The following ADGRL2 variants were observed in gnomAD, a reference collection of about 807,000 sequenced individuals.
The protein encoded by ADGRL2 is calcium-independent alpha-latrotoxin receptor 2.
ADGRL2 carries 44 observed loss-of-function variants against 157.4 expected under a neutral mutation model. That is an observed-to-expected ratio of 0.28 (90% CI 0.22 to 0.36). The LOEUF is 0.36. Ranked by LOEUF, ADGRL2 falls within the 10% of genes least tolerant of loss-of-function variation. The pLI is 1.00. For synonymous variants in ADGRL2, 585 were observed against 624.7 expected (o/e 0.94, Z 0.95); for missense variants, 1,510 against 1,768.9 (o/e 0.85, Z 2.63).
At chr1:81,741,384 G>A (rs2085069312) in intron 1 of ADGRL2, among the ~76,000 whole-genome samples, 1 of 151,672 alleles carries the variant, frequency 6.6e-6, no homozygotes, top group Non-Finnish European at 1.5e-5. Context: ...CATAGTTCAC[G>A]CAGATCTAGT....
intron 3 of ADGRL2, among the ~76,000 whole-genome samples, chr1:81,656,984 T>C (rs1458941890): frequency 7.5e-6 from 1 of 133,248 alleles, no homozygotes; most frequent in Non-Finnish European, 1.5e-5. Context: ...CATGCCAGCC[T>C]AGGTGATGGA....
At chr1:81,807,848 T>C (rs1047163142) in intron 1 of ADGRL2, among the ~76,000 whole-genome samples, 9 of 151,836 alleles carry the variant, frequency 5.9e-5, no homozygotes, top group Admixed American at 2.6e-4. Flanking sequence ...TCAAAAATAT[T>C]TAACATTTTT....
At chr1:81,802,726 G>A (rs541803523) in intron 1 of ADGRL2, among the ~76,000 whole-genome samples, 1 of 152,156 alleles carries the variant, frequency 6.6e-6, no homozygotes, top group Admixed American at 6.5e-5. Context: ...TTTGCCCTCC[G>A]GTCCCGCACT....
intron 1 of ADGRL2, among the ~76,000 whole-genome samples, chr1:81,804,267 A>G (rs2088777078): frequency 6.6e-6 from 1 of 152,202 alleles, no homozygotes; most frequent in African/African-American, 2.4e-5. Context: ...TAGAAAGAAT[A>G]CTACAGAACA....
At chr1:81,664,008 A>G (rs1450846283) in intron 3 of ADGRL2, among the ~76,000 whole-genome samples, 1 of 152,134 alleles carries the variant, frequency 6.6e-6, no homozygotes, top group Non-Finnish European at 1.5e-5. Context: ...GGTATACTGT[A>G]TATTCTGCTG....
intron 2 of ADGRL2, among the ~76,000 whole-genome samples, chr1:81,542,608 A>T (rs140623703): frequency 1.4e-3 from 220 of 152,346 alleles, no homozygotes; most frequent in African/African-American, 5.1e-3. Flanking sequence ...TTTTCAGAAT[A>T]GTAAGGTCAA....
In ADGRL2 at chr1:81,943,958, G is replaced by C. The variant is rs1648917372; in HGVS notation, c.1210+189G>C. 6.6e-6 allele frequency among the ~76,000 whole-genome samples: 1 copy of C among 151,776 alleles called. No individual in the cohort carries two copies. Among genetic ancestry groups the C allele is most frequent in the South Asian group, 2.1e-4 (1 of 4,818 alleles). ...TCTCAATTTCTTCATTTTAATGTTG[G>C]CTTCAAGAAATTGTGGCATTATTAG... On this transcript the variant is annotated intron_variant, in intron 6 of 23. Transcript: ENST00000686636. This position sits in a 1 kb window ranked among gnomAD's most constrained non-coding sequence, Gnocchi z 5.6.
chr1:81,850,488 C>G (rs1571662886), intron 2 of ADGRL2, among the ~76,000 whole-genome samples: 1 of 151,930 alleles, frequency 6.6e-6, no homozygotes, highest in African/African-American at 2.4e-5. Flanking sequence ...GTGAAGTTCA[C>G]AGACCTCACC....
intron 1 of ADGRL2, chr1:81,722,492 G>A (rs1358089089): frequency 6.4e-7 from 1 of 1,555,224 alleles, no homozygotes; most frequent in Non-Finnish European, 8.7e-7. Context: ...GAAGCCAAAT[G>A]CTGCCATCCA....
chr1:81,632,410 G>A (rs999384525), intron 3 of ADGRL2, among the ~76,000 whole-genome samples: 1 of 152,164 alleles, frequency 6.6e-6, no homozygotes, highest in African/African-American at 2.4e-5. Context: ...ATTTCAAACA[G>A]AGGGAAGAAG....
intron 3 of ADGRL2, among the ~76,000 whole-genome samples, chr1:81,679,386 A>G (rs987610124): frequency 6.7e-6 from 1 of 149,090 alleles, no homozygotes; most frequent in African/African-American, 2.5e-5. Flanking sequence ...CAGGTCTTCC[A>G]GCTTCTCTGG....
chr1:81,350,250 A>G (rs1299426232), intron 1 of ADGRL2, among the ~76,000 whole-genome samples: 1 of 152,198 alleles, frequency 6.6e-6, no homozygotes, highest in Non-Finnish European at 1.5e-5. Context: ...CTATCATAGG[A>G]TGCATTGTAT....
At chr1:81,971,070 G>A (rs1266742315) in intron 16 of ADGRL2, among the ~76,000 whole-genome samples, 2 of 152,120 alleles carry the variant, frequency 1.3e-5, no homozygotes, top group Admixed American at 6.5e-5. Flanking sequence ...GTGACAGAAG[G>A]TAGACATAGT....
rs546399913 is a variant in ADGRL2, at chr1:81,626,554, G to T, written c.-143+45574G>T. Among the ~76,000 whole-genome samples the T allele has an allele frequency of 3.1e-4, 47 of 152,316 alleles. No individual in the cohort carries two copies. In the South Asian group the frequency reaches 6.4e-3, roughly 21 times the overall value. ...TTCCCAAAGTGCTGGGATTACAGGC[G>T]TGAGCACCGCGCCTGGCCTGAATGC... On this transcript the variant is annotated intron_variant, in intron 3 of 24. Coordinates refer to the ADGRL2 transcript ENST00000370721.
At chr1:81,571,461 A>G (rs1309659246) in intron 2 of ADGRL2, among the ~76,000 whole-genome samples, 3 of 149,496 alleles carry the variant, frequency 2.0e-5, no homozygotes, top group Admixed American at 6.7e-5. Flanking sequence ...ACATATATAT[A>G]TATGGTAGGC....
chr1:81,829,893 G>A (rs1470112976), intron 1 of ADGRL2, among the ~76,000 whole-genome samples: 2 of 152,072 alleles, frequency 1.3e-5, no homozygotes, highest in African/African-American at 4.8e-5. Flanking sequence ...TCCTTGTAGG[G>A]GCAGGTTGAG....
chr1:81,761,894 G>A (rs944884447), intron 2 of ADGRL2: 2 of 151,926 alleles, frequency 1.3e-5, no homozygotes, highest in South Asian at 2.1e-4. Context: ...TACTGAACAC[G>A]AACAAGAAAA....
chr1:81,848,371 G>A (rs955687515), intron 2 of ADGRL2, among the ~76,000 whole-genome samples: 1 of 151,738 alleles, frequency 6.6e-6, no homozygotes, highest in Non-Finnish European at 1.5e-5. Flanking sequence ...GATATTAGTA[G>A]TGTAGAATTT....
chr1:81,867,709 A>G (rs910472722), intron 2 of ADGRL2, among the ~76,000 whole-genome samples: 1 of 152,170 alleles, frequency 6.6e-6, no homozygotes, highest in Non-Finnish European at 1.5e-5. Flanking sequence ...AGGAAAACCA[A>G]ATACTTCATT....
Sources: gnomAD v4.1 joint callset for allele counts (sites outside exome capture counted in the v4.1 genomes callset) on GRCh38, gnomAD v4.1.1 for gene constraint, Gnocchi (gnomAD v3.1) non-coding constraint, MANE v1.5 for transcripts, NCBI Gene and HGNC (gene_info 2026-07-23, HGNC 2026-07-21) for gene names.